Variants in OPA1 observed in about 807,000 individuals in gnomAD.
OPA1 encodes OPA1 mitochondrial dynamin like GTPase.
Under a neutral mutation model 152.9 loss-of-function variants are expected in OPA1, and 59 were observed. That is an observed-to-expected ratio of 0.39 (90% confidence interval 0.31 to 0.48). The LOEUF (loss-of-function observed/expected upper bound fraction) is 0.48. Ranked by LOEUF, OPA1 falls within the 20% of genes least tolerant of loss-of-function variation. The pLI is 0.96. For missense variants in OPA1, 1,008 were observed against 1,216.8 expected (o/e 0.83, Z 2.55); for synonymous variants, 400 against 389.9 (o/e 1.03, Z -0.31).
Position 193,631,667 on chromosome 3 carries a change from T to C in OPA1, c.843+2T>C. On this transcript the variant is annotated splice_donor_variant, in intron 8 of 30. Transcript: ENST00000361510. LOFTEE classifies it high-confidence loss of function. ...CAGGAAGAACTTCTGCACACTCAGG[T>C]AATCATGATGACTAAGAAAAACTAG... 1 of 1,609,524 alleles carries C rather than the reference T, an allele frequency of 6.2e-7. No individual in the cohort carries two copies. The highest frequency in any genetic ancestry group is 8.5e-7 in the Non-Finnish European group (1 of 1,176,216).
chr3:193,652,713 A>G (rs1466415906), intron 21 of OPA1, among the ~76,000 whole-genome samples: 1 of 152,136 alleles, frequency 6.6e-6, no homozygotes, highest in African/African-American at 2.4e-5. Context: ...TTTGTCATGG[A>G]ACCGGGTATT....
At chr3:193,629,483 G>C (rs1374888728) in intron 7 of OPA1, among the ~76,000 whole-genome samples, 1 of 151,772 alleles carries the variant, frequency 6.6e-6, no homozygotes, top group Admixed American at 6.6e-5. Flanking sequence ...CAGATCACGA[G>C]GTCAGGAGAT....
intron 1 of OPA1, among the ~76,000 whole-genome samples, chr3:193,598,602 A>G (rs1725972301): frequency 6.6e-6 from 1 of 152,174 alleles, no homozygotes; most frequent in African/African-American, 2.4e-5. Flanking sequence ...AGGACGAGGG[A>G]GTTTAGAATG....
At position 193,695,498 on chromosome 3, in the gene OPA1, T is replaced by A. The variant is rs1380095809; in HGVS notation, c.*898T>A. 6.6e-6 allele frequency: 1 copy of A among 152,218 alleles called. No homozygotes were observed. Among genetic ancestry groups the A allele is most frequent in the Non-Finnish European group, 1.5e-5 (1 of 68,038 alleles). 9.4% of individuals were successfully genotyped at this position (152,218 alleles called of 1,614,324 possible). A position where few individuals can be genotyped will look rare whatever the true frequency, so the allele number is the denominator to read the frequency against. On this transcript the variant is annotated 3_prime_UTR_variant, in exon 31 of 31. Coordinates refer to ENST00000361510, the MANE Select transcript of OPA1 (RefSeq NM_130837.3). ...AGAAAAAGGCTTTCTTTCATAAGAC[T>A]ATTTTAAATAGAAATTATTTCAACA...
At chr3:193,682,934 G>A (rs1339194347) in intron 29 of OPA1, among the ~76,000 whole-genome samples, 1 of 151,932 alleles carries the variant, frequency 6.6e-6, no homozygotes, top group East Asian at 1.9e-4. Flanking sequence ...TTAAAAATAC[G>A]TGTCTTAAGG....
chr3:193,663,073 C>T, intron 26 of OPA1, 111 bp downstream of exon 26: 1 of 1,074,850 alleles, frequency 9.3e-7, no homozygotes, highest in Non-Finnish European at 1.4e-6. Context: ...TGACTTTTGT[C>T]ACGTGTACAT....
In OPA1 at chr3:193,593,277, G is replaced by A; in HGVS notation, c.-101G>A. ...CGGCTCTGTGCCCTTGCTGCTGAGG[G>A]CCACTTCCTGGGTCATTCCTGGACC... On this transcript the variant is annotated 5_prime_UTR_variant, in exon 1 of 31. Coordinates refer to ENST00000361510, the MANE Select transcript of OPA1 (RefSeq NM_130837.3). 2 of 1,269,210 alleles carry A rather than the reference G, an allele frequency of 1.6e-6. No homozygotes were observed. The highest frequency in any genetic ancestry group is 2.1e-6 in the Non-Finnish European group (2 of 937,260). The allele number at this position is 1,269,210 out of a possible 1,614,324, so 78.6% of individuals were successfully genotyped here.
intron 11 of OPA1, among the ~76,000 whole-genome samples, 155 bp from the exon 12 acceptor site, chr3:193,642,610 A>G (rs996814626): frequency 3.9e-5 from 6 of 152,224 alleles, no homozygotes; most frequent in Non-Finnish European, 7.3e-5. Flanking sequence ...TGTCAGAACT[A>G]CCATGTTGAC....
At chr3:193,686,197 A>G (rs1720914849) in intron 29 of OPA1, among the ~76,000 whole-genome samples, 1 of 152,214 alleles carries the variant, frequency 6.6e-6, no homozygotes, top group Non-Finnish European at 1.5e-5. Flanking sequence ...AGTAGTTGTT[A>G]GGAGAGGGGA....
intron 1 of OPA1, among the ~76,000 whole-genome samples, chr3:193,608,347 T>C (rs1254200337): frequency 6.6e-6 from 1 of 152,232 alleles, no homozygotes; most frequent in Non-Finnish European, 1.5e-5. Flanking sequence ...TTTAGTGCTA[T>C]AAATTTCCCT....
At chr3:193,632,146 A>C (rs1043879155) in intron 8 of OPA1, among the ~76,000 whole-genome samples, 1 of 152,222 alleles carries the variant, frequency 6.6e-6, no homozygotes, top group Admixed American at 6.5e-5. Flanking sequence ...TTAAGGACCT[A>C]TTTTGTGCAA....
intron 21 of OPA1, among the ~76,000 whole-genome samples, chr3:193,649,483 C>T (rs115771699): frequency 2.0e-5 from 3 of 152,268 alleles, no homozygotes; most frequent in South Asian, 2.1e-4. Flanking sequence ...ATAGCCTTGA[C>T]ATTTTTGTAG....
At chr3:193,626,668 A>G (rs1731206620) in intron 7 of OPA1, among the ~76,000 whole-genome samples, 1 of 152,250 alleles carries the variant, frequency 6.6e-6, no homozygotes, top group South Asian at 2.1e-4. Flanking sequence ...ATTCTTGTAG[A>G]AGAAAATTAT....
intron 23 of OPA1, 132 bp downstream of exon 23, chr3:193,657,364 T>A: frequency 2.3e-6 from 2 of 877,606 alleles, no homozygotes; most frequent in African/African-American, 3.4e-5. Flanking sequence ...AGAAACAGAT[T>A]TATGATCTGT....
At chr3:193,593,463 G>A (rs1488274980) in intron 1 of OPA1, 54 bp downstream of exon 1, 13 of 1,475,132 alleles carry the variant, frequency 8.8e-6, no homozygotes, top group South Asian at 3.9e-5. Flanking sequence ...TTGAGAGTGG[G>A]GCTGTCTTAT....
chr3:193,615,932 C>T (rs1728942979), intron 3 of OPA1, among the ~76,000 whole-genome samples, 162 bp downstream of exon 3: 1 of 151,794 alleles, frequency 6.6e-6, no homozygotes, highest in African/African-American at 2.4e-5. Flanking sequence ...AAAGAAATAC[C>T]CAGTAGCCCA....
intron 1 of OPA1, among the ~76,000 whole-genome samples, chr3:193,605,054 C>T (rs768195640): frequency 1.6e-4 from 24 of 152,080 alleles, no homozygotes; most frequent in Non-Finnish European, 2.8e-4. Flanking sequence ...GTGTCATTAA[C>T]TCCTGATGCA....
At chr3:193,614,660 A>T in intron 1 of OPA1, 63 bp from the exon 2 acceptor site, 2 of 1,249,484 alleles carry the variant, frequency 1.6e-6, no homozygotes, top group Non-Finnish European at 2.4e-6. Flanking sequence ...TTGCTCTTTT[A>T]ATGTCATTTC....
rs560476594 is a variant in OPA1 at position 193,667,914 on chromosome 3, T to C, written c.2983+634T>C. ...AACAAGATGTTCCAGGCTCAATACCTGACCCAGCTTCCTTTTTTTGAAGAA... is the reference window on the plus strand; with the variant it reads ...AACAAGATGTTCCAGGCTCAATACCCGACCCAGCTTCCTTTTTTTGAAGAA... On this transcript the variant is annotated intron_variant, in intron 29 of 30. Coordinates refer to ENST00000361510, the MANE Select transcript of OPA1 (RefSeq NM_130837.3). Among the ~76,000 whole-genome samples the C allele has an allele frequency of 2.2e-4, 33 of 152,290 alleles. 1 individual carries two copies. In the East Asian group the frequency reaches 5.6e-3, roughly 26 times the overall value.
Sources: gnomAD v4.1 joint callset for allele counts (sites outside exome capture counted in the v4.1 genomes callset) on GRCh38, gnomAD v4.1.1 for gene constraint, MANE v1.5 for transcripts, NCBI Gene and HGNC (gene_info 2026-07-23, HGNC 2026-07-21) for gene names.